The following EDIL3 variants were observed in gnomAD, a reference collection of about 807,000 sequenced individuals.
The protein encoded by EDIL3 is EGF like and discoidin domains 3, also known as EGF-like repeat and discoidin I-like domain-containing protein 3.
A neutral mutation model predicts 67.4 loss-of-function variants in EDIL3; 37 were observed. That is an observed-to-expected ratio of 0.55 (90% CI 0.42 to 0.72). The LOEUF is 0.72. EDIL3 is among the 30% of genes least tolerant of loss of function. EDIL3 has a pLI of 0.00. For missense variants in EDIL3, 527 were observed against 586.3 expected (o/e 0.90, Z 1.04); for synonymous variants, 195 against 196.3 (o/e 0.99, Z 0.05).
chr5:84,177,702 T>C (rs1398042154), intron 4 of EDIL3, among the ~76,000 whole-genome samples: 1 of 152,124 alleles, frequency 6.6e-6, no homozygotes, highest in East Asian at 1.9e-4. Flanking sequence ...TTCTGCTTGA[T>C]TTTTTGGTAA....
intron 1 of EDIL3, among the ~76,000 whole-genome samples, chr5:84,263,001 C>T (rs769118261): frequency 5.9e-5 from 9 of 151,986 alleles, no homozygotes; most frequent in Non-Finnish European, 1.3e-4. Flanking sequence ...ATTATTTCTA[C>T]CTATGAAGAA....
chr5:84,371,337 A>AT (rs1561271518), intron 1 of EDIL3, among the ~76,000 whole-genome samples: 99 of 143,662 alleles, frequency 6.9e-4, no homozygotes, highest in African/African-American at 2.6e-3. Flanking sequence ...ATATATATAT[A>AT]TATATGTGTG....
chr5:84,372,976 C>A (rs948553072), intron 1 of EDIL3, among the ~76,000 whole-genome samples: 4 of 152,110 alleles, frequency 2.6e-5, no homozygotes, highest in Non-Finnish European at 4.4e-5. Context: ...TCCAGGATAC[C>A]TTGCAGCCCT....
At chr5:84,306,651 G>A (rs1185875397) in intron 1 of EDIL3, among the ~76,000 whole-genome samples, 1 of 152,194 alleles carries the variant, frequency 6.6e-6, no homozygotes. Flanking sequence ...TCTAGTGAAA[G>A]CAATTCTGTC....
chr5:84,354,194 G>T (rs1181792283), intron 1 of EDIL3, among the ~76,000 whole-genome samples: 1 of 152,178 alleles, frequency 6.6e-6, no homozygotes, highest in Admixed American at 6.5e-5. Context: ...TCACTGTGTA[G>T]ATACCAGTCT....
At chr5:84,151,904 GCTT>G (rs950165301) in intron 4 of EDIL3, among the ~76,000 whole-genome samples, 1 of 148,586 alleles carries the variant, frequency 6.7e-6, no homozygotes, top group Non-Finnish European at 1.5e-5. Context: ...TCTCTTTGCT[GCTT>G]CTTTTTTTTT....
Position 83,963,199 on chromosome 5 carries a change from ACTTAC to A in EDIL3, c.1293+1_1293+5del. ...TGAACTTTATAAACCGATTTGGCTG[ACTTAC>A]CTTATCTTTTCTTTGCTTTTCATCC... On this transcript the variant is annotated splice_donor_variant and splice_donor_5th_base_variant and intron_variant, in intron 10 of 10. Coordinates refer to ENST00000296591, the MANE Select transcript of EDIL3 (RefSeq NM_005711.5). LOFTEE classifies it high-confidence loss of function. 1 of 1,587,840 alleles carries A rather than the reference ACTTAC, an allele frequency of 6.3e-7. No individual in the cohort carries two copies. Among genetic ancestry groups the A allele is most frequent in the Non-Finnish European group, 8.6e-7 (1 of 1,169,570 alleles).
intron 3 of EDIL3, among the ~76,000 whole-genome samples, chr5:84,208,781 T>G (rs896420439): frequency 2.0e-5 from 3 of 151,364 alleles, no homozygotes; most frequent in South Asian, 4.2e-4. Context: ...TTGGTGGGAC[T>G]GTAAACTAGT....
intron 5 of EDIL3, among the ~76,000 whole-genome samples, chr5:84,123,122 T>C (rs748528901): frequency 1.8e-4 from 28 of 151,988 alleles, no homozygotes; most frequent in Admixed American, 5.9e-4. Flanking sequence ...TATTACAGCA[T>C]AGTGCATTTT....
chr5:84,062,396 G>A (rs1746561491), intron 8 of EDIL3, among the ~76,000 whole-genome samples: 1 of 152,100 alleles, frequency 6.6e-6, no homozygotes, highest in Non-Finnish European at 1.5e-5. Flanking sequence ...AGGAAAGATA[G>A]TTGTTTCCCT....
intron 1 of EDIL3, among the ~76,000 whole-genome samples, chr5:84,321,154 T>A (rs574892049): frequency 3.3e-5 from 5 of 152,214 alleles, no homozygotes; most frequent in Non-Finnish European, 7.4e-5. Flanking sequence ...TGTGCAGAAT[T>A]TCCTAACATT....
intron 1 of EDIL3, among the ~76,000 whole-genome samples, chr5:84,292,406 C>T (rs974961015): frequency 6.6e-5 from 10 of 152,068 alleles, no homozygotes; most frequent in East Asian, 1.9e-4. Flanking sequence ...CATAGTGTCC[C>T]GGAGCCAGGA....
At chr5:84,348,627 T>A (rs987219787) in intron 1 of EDIL3, among the ~76,000 whole-genome samples, 1 of 148,810 alleles carries the variant, frequency 6.7e-6, no homozygotes, top group Non-Finnish European at 1.5e-5. Flanking sequence ...CGAAAATAAA[T>A]AACCGAATTT....
chr5:84,379,705 G>C (rs183722471), intron 1 of EDIL3, among the ~76,000 whole-genome samples: 3 of 152,170 alleles, frequency 2.0e-5, no homozygotes, highest in Non-Finnish European at 2.9e-5. Context: ...GTGTGCACTT[G>C]AATGTCTGTG....
At chr5:84,269,798 C>T (rs931637515) in intron 1 of EDIL3, among the ~76,000 whole-genome samples, 2 of 152,120 alleles carry the variant, frequency 1.3e-5, no homozygotes, top group African/African-American at 4.8e-5. Flanking sequence ...GCTCAAGAGG[C>T]ATATCAGTAG....
At chr5:84,269,950 T>C (rs1451842236) in intron 1 of EDIL3, among the ~76,000 whole-genome samples, 1 of 152,196 alleles carries the variant, frequency 6.6e-6, no homozygotes, top group Non-Finnish European at 1.5e-5. Context: ...TGCTGTTGGA[T>C]CTTGTCAAGT....
intron 6 of EDIL3, among the ~76,000 whole-genome samples, chr5:84,100,569 T>C (rs1444130299): frequency 6.6e-6 from 1 of 151,942 alleles, no homozygotes; most frequent in Non-Finnish European, 1.5e-5. Context: ...CACTGGGGAC[T>C]GTTGAGTGGG....
intron 5 of EDIL3, among the ~76,000 whole-genome samples, chr5:84,131,133 G>A (rs1391361258): frequency 1.3e-5 from 2 of 151,946 alleles, no homozygotes; most frequent in Non-Finnish European, 2.9e-5. Context: ...AAAATCCTAT[G>A]TATATATATT....
At chr5:84,137,157 G>A (rs1748105611) in intron 5 of EDIL3, 84 bp downstream of exon 5, 2 of 877,122 alleles carry the variant, frequency 2.3e-6, no homozygotes, top group Non-Finnish European at 3.3e-6. Context: ...AAATATATAT[G>A]CATACATATA....
Sources: allele counts gnomAD v4.1 joint callset (sites outside exome capture counted in the v4.1 genomes callset), GRCh38; gene constraint gnomAD v4.1.1; transcripts MANE v1.5; gene names NCBI Gene and HGNC (gene_info 2026-07-23, HGNC 2026-07-21).